ZMYND8: variants seen among roughly 807,000 people sequenced by gnomAD.
ZMYND8 encodes the protein zinc finger MYND-type containing 8.
In ZMYND8, 37 loss-of-function variants were observed where a neutral mutation model predicts 140.8. The observed-to-expected ratio is 0.26, with a 90% confidence interval of 0.20 to 0.35. The LOEUF (loss-of-function observed/expected upper bound fraction) is 0.35, where lower values mean the gene tolerates loss of function less well. ZMYND8 is among the 10% of genes least tolerant of loss of function. The pLI is 1.00. For missense variants in ZMYND8, 1,068 were observed against 1,570.0 expected (o/e 0.68, Z 5.40); for synonymous variants, 592 against 597.1 (o/e 0.99, Z 0.12).
At chr20:47,313,108 T>C (rs1478754353) in intron 2 of ZMYND8, among the ~76,000 whole-genome samples, 2 of 151,838 alleles carry the variant, frequency 1.3e-5, no homozygotes, top group Non-Finnish European at 2.9e-5. Flanking sequence ...TTCACACCTG[T>C]AATCCCAGCA....
At chr20:47,231,201 C>T (rs980974772) in intron 16 of ZMYND8, among the ~76,000 whole-genome samples, 5 of 152,180 alleles carry the variant, frequency 3.3e-5, no homozygotes, top group Non-Finnish European at 7.3e-5. Context: ...TCTCTTCTAC[C>T]TCCCACCTGC....
intron 2 of ZMYND8, among the ~76,000 whole-genome samples, chr20:47,346,142 A>T (rs1412104895): frequency 6.6e-6 from 1 of 152,132 alleles, no homozygotes; most frequent in Non-Finnish European, 1.5e-5. Flanking sequence ...GGGGAAGGTA[A>T]GCAGCAGAAC....
At chr20:47,274,027 G>A (rs2076113798) in intron 11 of ZMYND8, among the ~76,000 whole-genome samples, 1 of 152,082 alleles carries the variant, frequency 6.6e-6, no homozygotes, top group Non-Finnish European at 1.5e-5. Context: ...CTACTCAAAT[G>A]GGGGATTCAA....
chr20:47,247,649 T>C (rs1220693952), intron 13 of ZMYND8, among the ~76,000 whole-genome samples: 1 of 152,220 alleles, frequency 6.6e-6, no homozygotes, highest in African/African-American at 2.4e-5. Context: ...CAATCAAGTC[T>C]GTGCAATCTC....
At chr20:47,313,238 A>T (rs988029466) in intron 2 of ZMYND8, among the ~76,000 whole-genome samples, 4 of 144,996 alleles carry the variant, frequency 2.8e-5, no homozygotes, top group Non-Finnish European at 5.9e-5. Context: ...AAAAAAAAAA[A>T]AATTTAATTA....
intron 4 of ZMYND8, among the ~76,000 whole-genome samples, chr20:47,296,743 C>T (rs962235460): frequency 6.6e-6 from 1 of 152,070 alleles, no homozygotes; most frequent in East Asian, 1.9e-4. Flanking sequence ...ATCGCTTGAG[C>T]CTAGGAGTTC....
intron 7 of ZMYND8, among the ~76,000 whole-genome samples, chr20:47,289,009 C>T (rs1385941354): frequency 6.6e-6 from 1 of 152,032 alleles, no homozygotes. Context: ...GGCTGAGGAA[C>T]GAGAATCGCT....
At chr20:47,352,586 T>C in intron 1 of ZMYND8, 2 of 972,664 alleles carry the variant, frequency 2.1e-6, no homozygotes. Flanking sequence ...ATAACGTCAT[T>C]TACTGTTACA....
intron 16 of ZMYND8, among the ~76,000 whole-genome samples, chr20:47,233,969 A>G (rs1042060334): frequency 3.5e-4 from 54 of 152,310 alleles, no homozygotes; most frequent in African/African-American, 1.2e-3. Flanking sequence ...CTTCTACCCA[A>G]TGGAATACAG....
At chr20:47,347,451 G>C (rs1199464988) in intron 2 of ZMYND8, among the ~76,000 whole-genome samples, 2 of 152,228 alleles carry the variant, frequency 1.3e-5, no homozygotes, top group African/African-American at 4.8e-5. Flanking sequence ...CCACTTTCCA[G>C]TGAAGCGGGC....
intron 8 of ZMYND8, among the ~76,000 whole-genome samples, chr20:47,286,304 G>T (rs1601602903): frequency 6.6e-6 from 1 of 151,616 alleles, no homozygotes; most frequent in South Asian, 2.1e-4. Flanking sequence ...CAGCCTCTCA[G>T]TTTAGCTAGG....
At chr20:47,342,752 G>A (rs1327907620) in intron 2 of ZMYND8, among the ~76,000 whole-genome samples, 2 of 151,198 alleles carry the variant, frequency 1.3e-5, no homozygotes, top group African/African-American at 4.9e-5. Flanking sequence ...GGAGGCTGGA[G>A]CAGAGGAATT....
At chr20:47,238,678 T>C (rs1311453831) in intron 15 of ZMYND8, 80 bp downstream of exon 15, 13 of 1,519,902 alleles carry the variant, frequency 8.6e-6, no homozygotes, top group African/African-American at 2.8e-5. Context: ...AAAAAAAAAA[T>C]AAAAGAGCAA....
rs144264624 is a variant in ZMYND8 at position 47,263,065 on chromosome 20, T to G, written c.1481-637A>C. On this transcript the variant is annotated intron_variant, in intron 11 of 22. Coordinates refer to ENST00000471951, the MANE Select transcript of ZMYND8 (RefSeq NM_001281775.3). ...TATGCCTAAGGCTTTTAAAAATACC[T>G]TAAAATGACCTACGACCTGCTTCTC... Among the ~76,000 whole-genome samples, 890 of 152,340 alleles carry G rather than the reference T, an allele frequency of 5.8e-3. 1 individual carries two copies. Among genetic ancestry groups the G allele is most frequent in the Admixed American group, 0.014 (209 of 15,298 alleles).
In ZMYND8 at chr20:47,227,105, T is replaced by C. The variant is rs2037819790; in HGVS notation, c.3016+98A>G. The C allele has an allele frequency of 4.0e-6, 5 of 1,265,542 alleles. No individual in the cohort carries two copies. The African/African-American group carries it at 5.9e-5, about 15-fold the overall frequency. 78.4% of individuals were successfully genotyped at this position (1,265,542 alleles called of 1,614,324 possible). A position where few individuals can be genotyped will look rare whatever the true frequency, so the allele number is the denominator to read the frequency against. On this transcript the variant is annotated intron_variant, in intron 18 of 22. Transcript: ENST00000471951. ...CCCTACGAGTCATACAATCCTAGCC[T>C]AGCTTTAATTGCACTCACATCTCGG...
rs1411291719 is a variant in ZMYND8, at chr20:47,238,805, GGCTGCTGCTGCTGGTTTTGCTGCT to G, written c.2594_2617del (p.Gln865_Gln872del). ...ATATCTCGTCCCCTGGGAAGACTGA[GGCTGCTGCTGCTGGTTTTGCTGCT>G]GCTGCTGCTGCTGCTGACGCTGCAT... is the stretch of plus-strand genomic sequence containing the variant. On this transcript the variant is annotated inframe_deletion, in exon 15 of 23. Coordinates refer to ENST00000471951, the MANE Select transcript of ZMYND8 (RefSeq NM_001281775.3). The G allele has an allele frequency of 3.7e-6, 6 of 1,613,074 alleles. No homozygotes were observed. The highest frequency in any genetic ancestry group is 3.4e-6 in the Non-Finnish European group (4 of 1,180,002).
intron 14 of ZMYND8, among the ~76,000 whole-genome samples, chr20:47,245,164 T>C (rs1169906808): frequency 1.3e-5 from 2 of 152,182 alleles, no homozygotes; most frequent in Non-Finnish European, 2.9e-5. Flanking sequence ...ACTGTCCTAC[T>C]ACTGTAAGAA....
In ZMYND8 at chr20:47,225,769, A is replaced by G. The variant is rs574700926; in HGVS notation, c.3017-1213T>C. The stretch of plus-strand genomic sequence containing the variant: ...TGTAAACCATAGCTAAGTTTTGGCC[A>G]GCCCACAGGTAATTTTTTCAAATGT... On this transcript the variant is annotated intron_variant, in intron 18 of 22. Transcript: ENST00000471951. Among the ~76,000 whole-genome samples, 78 of 152,050 alleles carry G rather than the reference A, an allele frequency of 5.1e-4. 1 individual carries two copies. Among genetic ancestry groups the G allele is most frequent in the African/African-American group, 1.8e-3 (74 of 41,472 alleles).
intron 6 of ZMYND8, 47 bp downstream of exon 6, chr20:47,291,749 A>G (rs747780820): frequency 6.3e-5 from 96 of 1,516,710 alleles, no homozygotes; most frequent in Non-Finnish European, 7.6e-5. Flanking sequence ...AGCCTTAGGC[A>G]TCTCAACTGT....
Sources: allele counts gnomAD v4.1 joint callset (sites outside exome capture counted in the v4.1 genomes callset), GRCh38; gene constraint gnomAD v4.1.1; transcripts MANE v1.5; gene names NCBI Gene and HGNC (gene_info 2026-07-23, HGNC 2026-07-21).